The following PRKAR1A variants were observed in gnomAD, a reference collection of about 807,000 sequenced individuals.
The protein encoded by PRKAR1A is protein kinase cAMP-dependent type I regulatory subunit alpha, also known as cAMP-dependent protein kinase type I-alpha regulatory subunit.
Under a neutral mutation model 52.0 loss-of-function variants are expected in PRKAR1A, and 3 were observed. The observed-to-expected ratio is 0.06, with a 90% CI of 0.03 to 0.15. The LOEUF (loss-of-function observed/expected upper bound fraction) is 0.15, where lower values mean the gene tolerates loss of function less well. PRKAR1A is among the 10% of genes least tolerant of loss of function. The probability of loss-of-function intolerance (pLI) is 1.00; values close to 1 mark genes in which losing one functional copy is unlikely to be tolerated. For missense variants in PRKAR1A, 240 were observed against 477.4 expected, an observed-to-expected ratio of 0.50 and a Z score of 4.63; for synonymous variants, 188 against 168.4, an observed-to-expected ratio of 1.12 and a Z score of -0.90.
the PRKAR1A span, among the ~76,000 whole-genome samples, chr17:68,486,496 TC>T: frequency 0.014 from 616 of 43,428 alleles, 3 homozygotes; most frequent in African/African-American, 0.029. Flanking sequence ...CTTCCTTCCT[TC>T]CTTCCTTCCT....
At chr17:68,444,094 T>C in the PRKAR1A span, among the ~76,000 whole-genome samples, 1 of 152,212 alleles carries the variant, frequency 6.6e-6, no homozygotes, top group Admixed American at 6.5e-5. Context: ...TTGCTGGCCA[T>C]GCAGACACGC....
chr17:68,465,313 A>G, the PRKAR1A span, among the ~76,000 whole-genome samples: 1 of 152,040 alleles, frequency 6.6e-6, no homozygotes, highest in Non-Finnish European at 1.5e-5. Context: ...CATTTGTACT[A>G]TGGGATCTCT....
the PRKAR1A span, among the ~76,000 whole-genome samples, chr17:68,502,886 A>C: frequency 6.6e-6 from 1 of 152,198 alleles, no homozygotes; most frequent in African/African-American, 2.4e-5. Context: ...TAAATTGTTA[A>C]CTTCTATGAT....
the PRKAR1A span, among the ~76,000 whole-genome samples, chr17:68,498,243 G>A: frequency 6.6e-6 from 1 of 152,144 alleles, no homozygotes; most frequent in Non-Finnish European, 1.5e-5. Flanking sequence ...TGGAAGTTTA[G>A]CTTCAAACTT....
rs141405038 is a variant in PRKAR1A, at chr17:68,542,177, G to A, written c.974-8907G>A. ...GCACACGTTGCTCGCTGGAGGATGG[G>A]GAGGAGAGAGGAGGAGTAAGTGGAG... On this transcript the variant is annotated intron_variant, in intron 11 of 11. Coordinates refer to the PRKAR1A transcript ENST00000585981. The A allele has an allele frequency of 2.4e-5, 38 of 1,613,458 alleles. No homozygotes were observed. In the African/African-American group the frequency reaches 4.5e-4, roughly 19 times the overall value.
In PRKAR1A at chr17:68,530,862, ATTTC is replaced by A; in HGVS notation, c.*417_*420del. 1 of 1,151,362 alleles carries A rather than the reference ATTTC, an allele frequency of 8.7e-7. No homozygotes were observed. The highest frequency in any genetic ancestry group is 1.1e-6 in the Non-Finnish European group (1 of 929,862). 71.3% of individuals were successfully genotyped at this position (1,151,362 alleles called of 1,614,324 possible). ...TTTAGACTGTGGCCATATATGCTGT[ATTTC>A]TTTGTAGAATAAATGGTTTCTCATT... On this transcript the variant is annotated 3_prime_UTR_variant, in exon 11 of 11. Coordinates refer to ENST00000589228, the MANE Select transcript of PRKAR1A (RefSeq NM_002734.5).
chr17:68,543,178 T>A (rs1294476116), intron 11 of PRKAR1A, among the ~76,000 whole-genome samples: 4 of 152,090 alleles, frequency 2.6e-5, no homozygotes, highest in African/African-American at 9.7e-5. Flanking sequence ...GGCTGAGATT[T>A]CTTATTTCTA....
the PRKAR1A span, among the ~76,000 whole-genome samples, chr17:68,423,761 G>T: frequency 6.6e-6 from 1 of 152,026 alleles, no homozygotes; most frequent in Admixed American, 6.6e-5. This position sits in a 1 kb window ranked among gnomAD's most constrained non-coding sequence, Gnocchi z 4.4. Context: ...TAAATGATCT[G>T]CACAAGGTAC....
the PRKAR1A span, chr17:68,422,055 G>C: frequency 7.2e-6 from 4 of 553,642 alleles, no homozygotes; most frequent in South Asian, 2.1e-5. Context: ...GTGTGTGTGT[G>C]TATGTATTTA....
At chr17:68,499,354 G>T in the PRKAR1A span, among the ~76,000 whole-genome samples, 1 of 146,802 alleles carries the variant, frequency 6.8e-6, no homozygotes, top group African/African-American at 2.5e-5. Flanking sequence ...TGTCATGGAA[G>T]TAGAAGGGAG....
chr17:68,449,086 A>T, the PRKAR1A span, among the ~76,000 whole-genome samples: 3 of 152,064 alleles, frequency 2.0e-5, no homozygotes, highest in Non-Finnish European at 2.9e-5. Flanking sequence ...CTCATTTGTT[A>T]AAAAAAATTA....
chr17:68,432,001 T>C, the PRKAR1A span, among the ~76,000 whole-genome samples: 1 of 152,230 alleles, frequency 6.6e-6, no homozygotes, highest in South Asian at 2.1e-4. Flanking sequence ...AGATGATGAA[T>C]TAAGGCTCCA....
the PRKAR1A span, among the ~76,000 whole-genome samples, chr17:68,501,521 TC>T: frequency 2.0e-5 from 3 of 152,316 alleles, no homozygotes; most frequent in Non-Finnish European, 4.4e-5. Flanking sequence ...AGTGGTATAA[TC>T]ATGGCTCACT....
exon 12 of PRKAR1A, chr17:68,551,136 C>T (rs567533213): frequency 6.5e-5 from 80 of 1,233,708 alleles, no homozygotes; most frequent in Non-Finnish European, 7.6e-5. Flanking sequence ...GCACTGGGGC[C>T]GAACTCTAGG....
rs532516665 is a variant in PRKAR1A, at chr17:68,515,519, T to A, written c.120T>A (p.Thr40=). 1 of 1,613,224 alleles carries A rather than the reference T, an allele frequency of 6.2e-7. No individual in the cohort carries two copies. The highest frequency in any genetic ancestry group is 1.7e-5 in the Admixed American group (1 of 60,028). ...AAGATTCTATTGTGCAGTTGTGCAC[T>A]GCTCGACCTGAGAGACCCATGGCAT... ...LLKDSIVQLC[T]ARPERPMAFL... The change falls in exon 2 of 11, where the codon ACT becomes ACA. Residue 40 remains threonine (T), a synonymous_variant. Coordinates refer to ENST00000589228, the MANE Select transcript of PRKAR1A (RefSeq NM_002734.5).
chr17:68,477,584 T>C, the PRKAR1A span, among the ~76,000 whole-genome samples: 1 of 152,224 alleles, frequency 6.6e-6, no homozygotes, highest in Non-Finnish European at 1.5e-5. Flanking sequence ...TCAACCCATC[T>C]GGTCAAATTC....
intron 11 of PRKAR1A, chr17:68,539,271 G>T: frequency 6.5e-7 from 1 of 1,537,534 alleles, no homozygotes; most frequent in Non-Finnish European, 9.0e-7. Context: ...TTCAGACCTT[G>T]GCTGCAAGCA....
chr17:68,539,255 A>T (rs2086188748), intron 11 of PRKAR1A: 3 of 1,397,200 alleles, frequency 2.1e-6, no homozygotes, highest in Middle Eastern at 1.8e-4. Flanking sequence ...TGAAAACTGG[A>T]AGCCCTTCAG....
the PRKAR1A span, among the ~76,000 whole-genome samples, chr17:68,471,651 T>G: frequency 6.6e-6 from 1 of 152,194 alleles, no homozygotes; most frequent in African/African-American, 2.4e-5. Flanking sequence ...GGGGGAGGTC[T>G]TCGCCAGGGA....
Sources: gnomAD v4.1 joint callset for allele counts (sites outside exome capture counted in the v4.1 genomes callset) on GRCh38, gnomAD v4.1.1 for gene constraint, Gnocchi (gnomAD v3.1) non-coding constraint, MANE v1.5 for transcripts, NCBI Gene and HGNC (gene_info 2026-07-23, HGNC 2026-07-21) for gene names.